DCDC2C: variants seen among roughly 807,000 people sequenced by gnomAD.
DCDC2C encodes the protein doublecortin domain containing 2C.
DCDC2C carries 44 observed loss-of-function variants against 45.0 expected under a neutral mutation model. The ratio of observed to expected loss-of-function variants is 0.98; its 90% CI spans 0.77 to 1.26. The LOEUF is 1.26. Among genes scored for constraint, DCDC2C ranks in the 50% most tolerant of loss-of-function variants. The probability of loss-of-function intolerance (pLI) is 0.00; values close to 1 mark genes in which losing one functional copy is unlikely to be tolerated. For synonymous variants in DCDC2C, 187 were observed against 178.8 expected, an observed-to-expected ratio of 1.05 and a Z score of -0.37; for missense variants, 447 against 468.9, an observed-to-expected ratio of 0.95 and a Z score of 0.43.
chr2:3,773,470 G>A (rs1224329962), intron 8 of DCDC2C, among the ~76,000 whole-genome samples: 3 of 152,134 alleles, frequency 2.0e-5, no homozygotes, highest in African/African-American at 4.8e-5. Flanking sequence ...TTCATTCTCA[G>A]AGAGCAGTGA....
chr2:3,844,774 G>A (rs1054711826), intron 10 of DCDC2C: 2 of 152,206 alleles, frequency 1.3e-5, no homozygotes, highest in African/African-American at 4.8e-5. Flanking sequence ...AAGTCTGGGA[G>A]GGAAGAGGGT....
chr2:3,746,049 T>C (rs2148115181), intron 4 of DCDC2C, among the ~76,000 whole-genome samples: 1 of 152,276 alleles, frequency 6.6e-6, no homozygotes, highest in Middle Eastern at 3.4e-3. Context: ...TGCAAGACAA[T>C]TGCTGATCTC....
At chr2:3,759,715 T>G (rs1669825141) in intron 6 of DCDC2C, among the ~76,000 whole-genome samples, 1 of 152,226 alleles carries the variant, frequency 6.6e-6, no homozygotes, top group Admixed American at 6.5e-5. Context: ...GCATGAGAGA[T>G]AATATCCATG....
rs145317789 is a variant in DCDC2C, at chr2:3,767,585, T to C, written c.727-169T>C. Among the ~76,000 whole-genome samples, 415 of 152,302 alleles carry C rather than the reference T, an allele frequency of 2.7e-3. 2 individuals are homozygous for C. Among genetic ancestry groups the C allele is most frequent in the African/African-American group, 9.2e-3 (383 of 41,560 alleles). On this transcript the variant is annotated intron_variant, in intron 6 of 10. Coordinates refer to ENST00000399143, the MANE Select transcript of DCDC2C (RefSeq NM_001287444.2). The stretch of plus-strand genomic sequence containing the variant: ...GCTTTCCTGAGGGGAATGCAAGTAA[T>C]AGAGCAGAAGAGGTTGCATTCGAAG...
chr2:3,711,427 A>G (rs1668206219), intron 2 of DCDC2C, among the ~76,000 whole-genome samples: 1 of 152,224 alleles, frequency 6.6e-6, no homozygotes, highest in South Asian at 2.1e-4. Context: ...TTAAAAAAAA[A>G]GTGGTACATT....
intron 8 of DCDC2C, among the ~76,000 whole-genome samples, chr2:3,773,855 G>A (rs534276621): frequency 6.6e-6 from 1 of 152,202 alleles, no homozygotes; most frequent in Non-Finnish European, 1.5e-5. Context: ...CAGCTGATGC[G>A]TGAGAAGCAT....
intron 3 of DCDC2C, among the ~76,000 whole-genome samples, chr2:3,729,192 T>A (rs1558567040): frequency 1.3e-5 from 2 of 151,812 alleles, no homozygotes; most frequent in East Asian, 3.9e-4. Flanking sequence ...GGCCCTGGAG[T>A]GGTTTTACTT....
intron 3 of DCDC2C, among the ~76,000 whole-genome samples, chr2:3,737,215 A>G (rs551545434): frequency 1.3e-5 from 2 of 152,254 alleles, no homozygotes; most frequent in East Asian, 3.9e-4. Flanking sequence ...AGATAGAGCT[A>G]TTTAGTTCTA....
At chr2:3,748,756 A>G (rs757278448) in intron 4 of DCDC2C, among the ~76,000 whole-genome samples, 3 of 152,192 alleles carry the variant, frequency 2.0e-5, no homozygotes, top group Admixed American at 6.5e-5. Context: ...TAAATAGCCC[A>G]TCAACCTTGG....
chr2:3,722,079 C>A (rs1668518578), intron 2 of DCDC2C, among the ~76,000 whole-genome samples: 1 of 152,232 alleles, frequency 6.6e-6, no homozygotes, highest in Non-Finnish European at 1.5e-5. Flanking sequence ...GTGTTACTCA[C>A]TTTGGAGGCA....
At chr2:3,826,334 A>G (rs1230586964) in intron 10 of DCDC2C, among the ~76,000 whole-genome samples, 1 of 152,184 alleles carries the variant, frequency 6.6e-6, no homozygotes, top group Non-Finnish European at 1.5e-5. Flanking sequence ...TTCCAATTAT[A>G]GTTTTAAAAT....
intron 2 of DCDC2C, among the ~76,000 whole-genome samples, chr2:3,723,249 C>T (rs927729623): frequency 6.6e-6 from 1 of 152,180 alleles, no homozygotes; most frequent in African/African-American, 2.4e-5. Context: ...CTCTCAGAAG[C>T]TTCCATTCTA....
intron 2 of DCDC2C, among the ~76,000 whole-genome samples, chr2:3,722,609 T>A (rs901648657): frequency 6.6e-6 from 1 of 152,220 alleles, no homozygotes; most frequent in African/African-American, 2.4e-5. Context: ...TCAGGACAGA[T>A]GACTGATGTG....
chr2:3,814,019 G>C (rs559810433), intron 10 of DCDC2C, among the ~76,000 whole-genome samples: 104 of 152,232 alleles, frequency 6.8e-4, no homozygotes, highest in African/African-American at 2.5e-3. Context: ...ACTGGTCTGT[G>C]TACTTCTGTG....
Position 3,734,837 on chromosome 2 carries a change from G to A in DCDC2C, c.417-7083G>A, listed in dbSNP as rs552070830. 6.6e-6 allele frequency among the ~76,000 whole-genome samples: 1 copy of A among 152,320 alleles called. No homozygotes were observed. The highest frequency in any genetic ancestry group is 6.5e-5 in the Admixed American group (1 of 15,304). ...GACAAAGGCAGGGAGTAATTGGGAA[G>A]TTCAAGGTGGGGGTGAAAGTACAGA... On this transcript the variant is annotated intron_variant, in intron 3 of 10. Transcript: ENST00000399143. The surrounding 1 kb of genome is among the most constrained non-coding windows in gnomAD (Gnocchi z 4.2).
At chr2:3,789,965 C>T (rs889872214) in intron 10 of DCDC2C, among the ~76,000 whole-genome samples, 17 of 152,156 alleles carry the variant, frequency 1.1e-4, no homozygotes, top group African/African-American at 3.9e-4. Context: ...CTGTTGCATG[C>T]TTATTTTCTT....
At chr2:3,841,682 T>A (rs1394971739) in intron 10 of DCDC2C, among the ~76,000 whole-genome samples, 1 of 152,204 alleles carries the variant, frequency 6.6e-6, no homozygotes, top group African/African-American at 2.4e-5. Context: ...ATGCAGAGAA[T>A]CATGCCCAGG....
rs532834334 is a variant in DCDC2C at position 3,813,302 on chromosome 2, C to T, written c.1065+28202C>T. Among the ~76,000 whole-genome samples the T allele has an allele frequency of 1.1e-4, 17 of 151,894 alleles. No individual in the cohort carries two copies. In the East Asian group the frequency reaches 2.3e-3, roughly 21 times the overall value. On this transcript the variant is annotated intron_variant, in intron 10 of 10. Coordinates refer to ENST00000399143, the MANE Select transcript of DCDC2C (RefSeq NM_001287444.2). ...GGCCAAGATGGTCTCGATCTGACCT[C>T]GTGATCTGCCTGCCTCAGCCTCCCA...
At chr2:3,741,760 A>C (rs1215573161) in intron 3 of DCDC2C, among the ~76,000 whole-genome samples, 160 bp from the exon 4 acceptor site, 2 of 151,910 alleles carry the variant, frequency 1.3e-5, no homozygotes, top group African/African-American at 2.4e-5. Flanking sequence ...CATTCTGTAC[A>C]GCTTGATAAG....
Sources: allele counts gnomAD v4.1 joint callset (sites outside exome capture counted in the v4.1 genomes callset), GRCh38; gene constraint gnomAD v4.1.1; non-coding constraint Gnocchi (gnomAD v3.1); transcripts MANE v1.5; gene names NCBI Gene and HGNC (gene_info 2026-07-23, HGNC 2026-07-21).